MYO16: variants seen among roughly 807,000 people sequenced by gnomAD.
The protein encoded by MYO16 is myosin XVI.
Under a neutral mutation model 205.3 loss-of-function variants are expected in MYO16, and 94 were observed. The observed-to-expected ratio is 0.46, with a 90% CI of 0.39 to 0.54. The LOEUF (loss-of-function observed/expected upper bound fraction) is 0.54. Among genes scored for constraint, MYO16 ranks in the 20% least tolerant of loss-of-function variants. The pLI, the probability that MYO16 is intolerant of heterozygous loss-of-function variation, is 0.00. For missense variants in MYO16, 2,315 were observed against 2,387.5 expected (o/e 0.97, Z 0.63); for synonymous variants, 988 against 954.0 (o/e 1.04, Z -0.66).
chr13:108,849,561 C>T (rs763892050), intron 10 of MYO16, among the ~76,000 whole-genome samples: 2 of 122,280 alleles, frequency 1.6e-5, no homozygotes, highest in Non-Finnish European at 1.8e-5. Context: ...GTAACTTATC[C>T]ATACTGGGTT....
the MYO16 span, among the ~76,000 whole-genome samples, chr13:108,586,576 A>T: frequency 1.3e-5 from 2 of 152,300 alleles, no homozygotes; most frequent in African/African-American, 4.8e-5. Context: ...GCAGATGCAA[A>T]GTGGTCACTC....
At chr13:109,175,832 A>G (rs973226918) in intron 33 of MYO16, among the ~76,000 whole-genome samples, 4 of 114,150 alleles carry the variant, frequency 3.5e-5, no homozygotes, top group Non-Finnish European at 6.9e-5. Context: ...ACACGATTGG[A>G]GTCTTCACCC....
At chr13:108,732,254 T>C (rs1884547400) in intron 4 of MYO16, among the ~76,000 whole-genome samples, 1 of 152,214 alleles carries the variant, frequency 6.6e-6, no homozygotes, top group African/African-American at 2.4e-5. Context: ...GCCGTCTGTG[T>C]GTACTCAAGG....
At chr13:109,139,759 C>G (rs1301596996) in intron 31 of MYO16, among the ~76,000 whole-genome samples, 5 of 152,140 alleles carry the variant, frequency 3.3e-5, no homozygotes, top group African/African-American at 1.2e-4. Context: ...GAAAATTTTA[C>G]AATGCTTCTT....
intron 12 of MYO16, among the ~76,000 whole-genome samples, chr13:108,879,668 A>G (rs889816054): frequency 6.6e-6 from 1 of 152,142 alleles, no homozygotes; most frequent in East Asian, 1.9e-4. Flanking sequence ...AGCTTCATCT[A>G]TGTCCCTACA....
chr13:108,706,390 A>G (rs563049916), intron 2 of MYO16, among the ~76,000 whole-genome samples: 2 of 152,322 alleles, frequency 1.3e-5, no homozygotes, highest in African/African-American at 4.8e-5. Context: ...CATATATCTC[A>G]GTGTGATCCT....
At chr13:108,977,493 C>T (rs1277190705) in intron 20 of MYO16, among the ~76,000 whole-genome samples, 4 of 152,128 alleles carry the variant, frequency 2.6e-5, no homozygotes, top group East Asian at 1.9e-4. Context: ...CACATGCCCA[C>T]GGATGTTCAC....
At chr13:108,717,328 G>A (rs1429030505) in intron 3 of MYO16, among the ~76,000 whole-genome samples, 1 of 150,886 alleles carries the variant, frequency 6.6e-6, no homozygotes, top group East Asian at 2.0e-4. Flanking sequence ...AATTCATGTA[G>A]CTGTTAAAAA....
At chr13:108,824,978 G>A (rs1240311666) in intron 9 of MYO16, among the ~76,000 whole-genome samples, 1 of 152,060 alleles carries the variant, frequency 6.6e-6, no homozygotes, top group African/African-American at 2.4e-5. Flanking sequence ...TCTTCCAAAT[G>A]TTTAAAGAAT....
the MYO16 span, among the ~76,000 whole-genome samples, chr13:108,584,532 T>C: frequency 6.6e-6 from 1 of 152,278 alleles, no homozygotes. Context: ...TTATTAATTA[T>C]AGTTACCCTA....
chr13:108,957,892 A>T (rs1266119965), intron 17 of MYO16, 93 bp downstream of exon 17: 1 of 1,002,178 alleles, frequency 1.0e-6, no homozygotes, highest in Non-Finnish European at 1.5e-6. Flanking sequence ...AGCCCCTATG[A>T]CATTCCAGAT....
intron 1 of MYO16, among the ~76,000 whole-genome samples, chr13:108,638,865 C>T (rs946374356): frequency 6.6e-6 from 1 of 152,044 alleles, no homozygotes; most frequent in African/African-American, 2.4e-5. Flanking sequence ...GTGTGCGGAG[C>T]TGGGGCAAGC....
rs1372137441 is a variant in MYO16 at position 108,964,825 on chromosome 13, G to A, written c.2292G>A (p.Lys764=). The change falls in exon 20 of 35, where the codon AAG becomes AAA. Residue 764 remains lysine, a synonymous_variant. Transcript: ENST00000457511. The part of the protein sequence containing the change: ...IAEFFRDLLA[K]SLYSRLFSFL... ...AGTTTTTCCGAGACCTCTTGGCCAA[G>A]TCCCTGTACAGTCGTTTGTTTAGCT... The A allele has an allele frequency of 6.8e-6, 11 of 1,613,982 alleles. No individual in the cohort carries two copies. The Admixed American group carries it at 1.5e-4, about 22-fold the overall frequency.
intron 27 of MYO16, among the ~76,000 whole-genome samples, chr13:109,073,065 A>G (rs1462336721): frequency 6.6e-6 from 1 of 152,062 alleles, no homozygotes; most frequent in Non-Finnish European, 1.5e-5. Flanking sequence ...GATTTATGTT[A>G]ATTATTGTTA....
chr13:108,920,615 C>G (rs577635365), intron 16 of MYO16, among the ~76,000 whole-genome samples: 1 of 152,070 alleles, frequency 6.6e-6, no homozygotes, highest in East Asian at 1.9e-4. Context: ...CCTGCCACCA[C>G]GCCCGGCTAA....
chr13:109,075,897 T>C (rs1450966133), intron 27 of MYO16, among the ~76,000 whole-genome samples: 1 of 152,228 alleles, frequency 6.6e-6, no homozygotes, highest in Non-Finnish European at 1.5e-5. Context: ...ATTAATTTTT[T>C]CTTAACTGTT....
At chr13:109,155,222 C>T (rs1333389428) in intron 32 of MYO16, among the ~76,000 whole-genome samples, 1 of 152,152 alleles carries the variant, frequency 6.6e-6, no homozygotes, top group African/African-American at 2.4e-5. Flanking sequence ...CCATCTCCTT[C>T]GACTTGGCGG....
At chr13:109,080,768 G>A (rs1245435465) in intron 27 of MYO16, among the ~76,000 whole-genome samples, 3 of 151,894 alleles carry the variant, frequency 2.0e-5, no homozygotes, top group Admixed American at 6.6e-5. Flanking sequence ...GAGCATAGAG[G>A]GATACGCTTT....
At position 108,686,870 on chromosome 13, in the gene MYO16, A is replaced by G. The variant is rs538438496; in HGVS notation, c.292+20721A>G. Among the ~76,000 whole-genome samples, 7 of 152,236 alleles carry G rather than the reference A, an allele frequency of 4.6e-5. No individual in the cohort carries two copies. In the South Asian group the frequency reaches 1.2e-3, roughly 27 times the overall value. On this transcript the variant is annotated intron_variant, in intron 2 of 34. Transcript: ENST00000457511. ...GGGAGTGAAATGCTTCCTGGAAAGT[A>G]GTTTATTTGCTGTGAAGGCAGGGGA...
Sources: gnomAD v4.1 joint callset for allele counts (sites outside exome capture counted in the v4.1 genomes callset) on GRCh38, gnomAD v4.1.1 for gene constraint, MANE v1.5 for transcripts, NCBI Gene and HGNC (gene_info 2026-07-23, HGNC 2026-07-21) for gene names.